The following NOTCH4 variants were observed in gnomAD, a reference collection of about 807,000 sequenced individuals.
NOTCH4 encodes notch receptor 4.
A neutral mutation model predicts 189.0 loss-of-function variants in NOTCH4; 138 were observed. That is an observed-to-expected ratio of 0.73 (90% CI 0.64 to 0.84). The LOEUF (loss-of-function observed/expected upper bound fraction) is 0.84. Among genes scored for constraint, NOTCH4 ranks in the 40% least tolerant of loss-of-function variants. The pLI, the probability that NOTCH4 is intolerant of heterozygous loss-of-function variation, is 0.00. For synonymous variants in NOTCH4, 942 were observed against 1,032.8 expected (o/e 0.91, Z 1.69); for missense variants, 2,286 against 2,605.4 (o/e 0.88, Z 2.67).
At position 32,202,837 on chromosome 6, in the gene NOTCH4, C is replaced by A. The variant is rs553643826; in HGVS notation, c.3232-238G>T. ...GATGAAGCACAGCTGTGTGCAACAA[C>A]CTGATGGACTGTGGCATTACAGTGC... On this transcript the variant is annotated intron_variant, in intron 20 of 29. Coordinates refer to ENST00000375023, the MANE Select transcript of NOTCH4 (RefSeq NM_004557.4). This position sits in a 1 kb window ranked among gnomAD's most constrained non-coding sequence, Gnocchi z 5.7. 5 of 457,206 alleles carry A rather than the reference C, an allele frequency of 1.1e-5. No individual in the cohort carries two copies. In the East Asian group the frequency reaches 1.6e-4, roughly 14 times the overall value. 28.3% of individuals were successfully genotyped at this position (457,206 alleles called of 1,614,324 possible).
intron 6 of NOTCH4, 37 bp downstream of exon 6, chr6:32,220,368 T>C: frequency 6.2e-7 from 1 of 1,612,600 alleles, no homozygotes; most frequent in Non-Finnish European, 8.5e-7. Flanking sequence ...ACCCTCCTTC[T>C]CTACCTCCCA....
intron 18 of NOTCH4, among the ~76,000 whole-genome samples, chr6:32,207,637 CCCA>C (rs1788767776): frequency 2.1e-5 from 3 of 141,276 alleles, no homozygotes; most frequent in African/African-American, 5.2e-5. Flanking sequence ...ATCCCCCCCC[CCCA>C]AAAAAAAAGA....
chr6:32,201,710 C>T lies in NOTCH4; in HGVS notation c.3756-210G>A. 2.3e-6 allele frequency: 1 copy of T among 439,718 alleles called. No homozygotes were observed. Among genetic ancestry groups the T allele is most frequent in the East Asian group, 3.4e-5 (1 of 29,118 alleles). The allele number at this position is 439,718 out of a possible 1,614,324, so 27.2% of individuals were successfully genotyped here. A position where few individuals can be genotyped will look rare whatever the true frequency, so the allele number is the denominator to read the frequency against. On this transcript the variant is annotated intron_variant, in intron 21 of 29. Transcript: ENST00000375023. This position sits in a 1 kb window ranked among gnomAD's most constrained non-coding sequence, Gnocchi z 5.5. Reference sequence around the variant, plus strand: ...CCTGTCTCCCTAGACTGTCCCCTCTCTGTACCCTCCCAAGCTCTCCTCTGT... The same window carrying T: ...CCTGTCTCCCTAGACTGTCCCCTCTTTGTACCCTCCCAAGCTCTCCTCTGT...
chr6:32,197,276 T>C (rs768377280), intron 27 of NOTCH4, 23 bp downstream of exon 27: 4 of 1,518,244 alleles, frequency 2.6e-6, no homozygotes, highest in Non-Finnish European at 3.5e-6. Context: ...CCATTCCCTG[T>C]AGGGACCTCA....
At chr6:32,209,993 C>T (rs570485926) in intron 18 of NOTCH4, among the ~76,000 whole-genome samples, 2 of 152,038 alleles carry the variant, frequency 1.3e-5, no homozygotes, top group Non-Finnish European at 2.9e-5. Context: ...ACCACACACA[C>T]AAAAAAGTTG....
Position 32,196,957 on chromosome 6 carries a change from G to A in NOTCH4, c.5168C>T (p.Ala1723Val). 6.2e-7 allele frequency: 1 copy of A among 1,612,908 alleles called. No homozygotes were observed. The highest frequency in any genetic ancestry group is 8.5e-7 in the Non-Finnish European group (1 of 1,180,022). ...VEDLVEELIA[A>V]QADVGARDKW... ...ATCTCTGGCCCCCACGTCTGCTTGG[G>A]CTGCAATCAGTTCTTCAACCAGGTC... Residue 1723 changes from alanine (A) to valine (V), a missense_variant, in exon 28 of 30, where the codon GCC becomes GTC. Around this residue, in one of 2 missense-constraint regions of NOTCH4, gnomAD observed 1,903 missense variants for 2,261.9 expected, o/e 0.84. Coordinates refer to ENST00000375023, the MANE Select transcript of NOTCH4 (RefSeq NM_004557.4).
chr6:32,204,457 C>G (rs1788553978), intron 18 of NOTCH4, 68 bp from the exon 19 acceptor site: 1 of 1,561,496 alleles, frequency 6.4e-7, no homozygotes, highest in African/African-American at 1.3e-5. Flanking sequence ...AGGGACCCAG[C>G]TCAAGATAGT....
Position 32,223,999 on chromosome 6 carries a change from G to A in NOTCH4, c.-71C>T. The A allele has an allele frequency of 2.0e-6, 3 of 1,470,226 alleles. No individual in the cohort carries two copies. The highest frequency in any genetic ancestry group is 2.7e-6 in the Non-Finnish European group (3 of 1,101,938). The allele number at this position is 1,470,226 out of a possible 1,614,324, so 91.1% of individuals were successfully genotyped here. On this transcript the variant is annotated 5_prime_UTR_variant, in exon 1 of 30. Coordinates refer to ENST00000375023, the MANE Select transcript of NOTCH4 (RefSeq NM_004557.4). Reference sequence around the variant, plus strand: ...AGGGACCCTCAGAGCTCTCACTGGGGCAGGAGCCACCTCCTCTGCTCCCAC... The same window carrying A: ...AGGGACCCTCAGAGCTCTCACTGGGACAGGAGCCACCTCCTCTGCTCCCAC...
rs201064903 is a variant in NOTCH4 at position 32,195,571 on chromosome 6, C to A, written c.5878G>T (p.Gly1960Cys). 72 of 1,612,986 alleles carry A rather than the reference C, an allele frequency of 4.5e-5. No individual in the cohort carries two copies. Among genetic ancestry groups the A allele is most frequent in the Non-Finnish European group, 5.8e-5 (68 of 1,180,030 alleles). Residue 1960 changes from glycine (G) to cysteine (C), a missense_variant, in exon 30 of 30, where the codon GGT becomes TGT. Physicochemically the swap from Gly to Cys is radical, Grantham distance 159 (BLOSUM62 -3). Around this residue, in one of 2 missense-constraint regions of NOTCH4, gnomAD observed 383 missense variants for 343.5 expected, o/e 1.11. Coordinates refer to ENST00000375023, the MANE Select transcript of NOTCH4 (RefSeq NM_004557.4). This position sits in a 1 kb window ranked among gnomAD's most constrained non-coding sequence, Gnocchi z 5.4. ...GGGATCGGAATGTTGGAGGCAGAACCGCAAGCTCCCAGGGCCACCCAATCA... is the reference window on the plus strand; with the variant it reads ...GGGATCGGAATGTTGGAGGCAGAACAGCAAGCTCCCAGGGCCACCCAATCA... ...PCDWVALGAC[G>C]SASNIPIPPP...
At chr6:32,213,309 C>G in intron 14 of NOTCH4, 57 bp from the exon 15 acceptor site, 1 of 1,139,748 alleles carries the variant, frequency 8.8e-7, no homozygotes, top group Non-Finnish European at 1.3e-6. Flanking sequence ...GGCCTGTGAC[C>G]TCAGTCACAC....
rs540472799 is a variant in NOTCH4 at position 32,223,981 on chromosome 6, C to T, written c.-53G>A. ...CCCTGTCCCTCTTCAGGCAGGGACC[C>T]TCAGAGCTCTCACTGGGGCAGGAGC... On this transcript the variant is annotated 5_prime_UTR_variant, in exon 1 of 30. Coordinates refer to ENST00000375023, the MANE Select transcript of NOTCH4 (RefSeq NM_004557.4). 1 of 1,527,428 alleles carries T rather than the reference C, an allele frequency of 6.5e-7. No individual in the cohort carries two copies. Among genetic ancestry groups the T allele is most frequent in the South Asian group, 1.2e-5 (1 of 83,398 alleles). 94.6% of individuals were successfully genotyped at this position (1,527,428 alleles called of 1,614,324 possible).
In NOTCH4 at chr6:32,217,335, C is replaced by G; in HGVS notation, c.1625-69G>C. The G allele has an allele frequency of 1.0e-6, 1 of 993,766 alleles. No individual in the cohort carries two copies. Among genetic ancestry groups the G allele is most frequent in the East Asian group, 2.5e-5 (1 of 40,414 alleles). 61.6% of individuals were successfully genotyped at this position (993,766 alleles called of 1,614,324 possible). A position where few individuals can be genotyped will look rare whatever the true frequency, so the allele number is the denominator to read the frequency against. On this transcript the variant is annotated intron_variant, in intron 9 of 29. Transcript: ENST00000375023. The surrounding 1 kb of genome is among the most constrained non-coding windows in gnomAD (Gnocchi z 4.2). ...GAGGGAGGCACAGCATGGCGCCTTC[C>G]CTTGCCAGGAAAGGTGAACTTGCAG...
chr6:32,218,073 CGTTG>C lies in NOTCH4; in HGVS notation c.1542_1545del (p.Asn515SerfsTer8), dbSNP rs1490448053. 6 of 1,613,636 alleles carry C rather than the reference CGTTG, an allele frequency of 3.7e-6. No homozygotes were observed. The highest frequency in any genetic ancestry group is 1.7e-5 in the Admixed American group (1 of 59,972). On this transcript the variant is annotated frameshift_variant, in exon 9 of 30. Transcript: ENST00000375023. LOFTEE classifies it high-confidence loss of function. The stretch of plus-strand genomic sequence containing the variant: ...TTCAGGCAGGGAGCTGAGGCACACT[CGTTG>C]GTCTCCACCTCACAGAGCTGCCCTT...
rs752112703 is a variant in NOTCH4, at chr6:32,201,204, A to G, written c.4052T>C (p.Leu1351Pro). The G allele has an allele frequency of 4.3e-6, 7 of 1,612,706 alleles. No individual in the cohort carries two copies. Among genetic ancestry groups the G allele is most frequent in the Non-Finnish European group, 5.1e-6 (6 of 1,179,926 alleles). ...PYPGARAEEKLGGTRDPTYQE... is the reference protein window; with the variant it reads ...PYPGARAEEKPGGTRDPTYQE... ...ATAGGTGGGGTCCCGAGTTCCTCCT[A>G]GCTTTTCTTCAGCCCGGGCCCCAGG... The change falls in exon 22 of 30, where the codon CTA (leucine) becomes CCA (proline). Residue 1351 changes from leucine to proline, a missense_variant. Leu to Pro is a moderately conservative substitution (Grantham distance 98, BLOSUM62 -3). This residue lies in a region of NOTCH4 where 1,903 missense variants were observed against 2,261.9 expected (regional missense o/e 0.84). Coordinates refer to ENST00000375023, the MANE Select transcript of NOTCH4 (RefSeq NM_004557.4). The surrounding 1 kb of genome is among the most constrained non-coding windows in gnomAD (Gnocchi z 5.5).
chr6:32,215,461 G>A (rs1313293587), intron 11 of NOTCH4, 76 bp from the exon 12 acceptor site: 4 of 1,420,016 alleles, frequency 2.8e-6, no homozygotes, highest in African/African-American at 1.4e-5. Flanking sequence ...ATCCTTCATT[G>A]GGCCAAAGCC....
In NOTCH4 at chr6:32,196,779, C is replaced by G. The variant is rs182940608; in HGVS notation, c.5200+146G>C. 58 of 1,075,310 alleles carry G rather than the reference C, an allele frequency of 5.4e-5. No individual in the cohort carries two copies. The African/African-American group carries it at 7.4e-4, about 14-fold the overall frequency. The allele number at this position is 1,075,310 out of a possible 1,614,324, so 66.6% of individuals were successfully genotyped here. A position where few individuals can be genotyped will look rare whatever the true frequency, so the allele number is the denominator to read the frequency against. Reference sequence around the variant, plus strand: ...GAGTTGGGGGGGGAAACTCACGCGGCCCGTACTTCCACCGCATCTCAGATT... The same window carrying G: ...GAGTTGGGGGGGGAAACTCACGCGGGCCGTACTTCCACCGCATCTCAGATT... On this transcript the variant is annotated intron_variant, in intron 28 of 29. Coordinates refer to ENST00000375023, the MANE Select transcript of NOTCH4 (RefSeq NM_004557.4).
intron 18 of NOTCH4, among the ~76,000 whole-genome samples, chr6:32,206,166 G>A (rs1788665470): frequency 6.6e-6 from 1 of 152,126 alleles, no homozygotes; most frequent in African/African-American, 2.4e-5. Context: ...AGACAAGGAT[G>A]CTCACTTTCA....
In NOTCH4 at chr6:32,195,746, C is replaced by G. The variant is rs765352408; in HGVS notation, c.5703G>C (p.Ser1901=). The change falls in exon 30 of 30, where the codon TCG becomes TCC. Residue 1901 remains serine, a synonymous_variant. Transcript: ENST00000375023. The surrounding 1 kb of genome is among the most constrained non-coding windows in gnomAD (Gnocchi z 5.4). ...TCGGGCCTCCTCCTGCTCCTACTCC[C>G]GAGAGGCTCCGGCAATGAGAATAGG... ...GGAYSHCRSL[S]GVGAGGGPTP... 1.5e-5 allele frequency: 24 copies of G among 1,612,104 alleles called. No homozygotes were observed. The highest frequency in any genetic ancestry group is 4.2e-6 in the Non-Finnish European group (5 of 1,179,872).
At chr6:32,204,071 C>T (rs1788523274) in intron 19 of NOTCH4, 66 bp downstream of exon 19, 2 of 1,586,114 alleles carry the variant, frequency 1.3e-6, no homozygotes, top group Non-Finnish European at 1.7e-6. Flanking sequence ...TGGAGACTAT[C>T]TGGCTCTCCA....
Sources: gnomAD v4.1 joint callset for allele counts (sites outside exome capture counted in the v4.1 genomes callset) on GRCh38, gnomAD v4.1.1 for gene constraint, gnomAD v4.1.1 regional missense constraint, Gnocchi (gnomAD v3.1) non-coding constraint, MANE v1.5 for transcripts, NCBI Gene and HGNC (gene_info 2026-07-23, HGNC 2026-07-21) for gene names.